Variants in C10orf105 observed in about 807,000 individuals in gnomAD.
The protein encoded by C10orf105 is uncharacterized protein C10orf105.
A neutral mutation model predicts 0.6 loss-of-function variants in C10orf105; 2 were observed. The observed-to-expected ratio is 3.18, with a 90% CI of 1.30 to 10.01. C10orf105 has a LOEUF of 10.01. Ranked by LOEUF, C10orf105 falls within the 30% of genes most tolerant of loss-of-function variation. The pLI is 0.04. For synonymous variants in C10orf105, 95 were observed against 82.4 expected, an observed-to-expected ratio of 1.15 and a Z score of -0.83; for missense variants, 209 against 191.4, an observed-to-expected ratio of 1.09 and a Z score of -0.54.
intron 1 of C10orf105, chr10:71,730,469 G>T: frequency 6.2e-7 from 1 of 1,613,614 alleles, no homozygotes; most frequent in Non-Finnish European, 8.5e-7. Flanking sequence ...GCTCCCACAG[G>T]TGATTGTGTA....
chr10:71,715,583 G>T lies in C10orf105; in HGVS notation c.*353C>A, dbSNP rs1044118555. 7 of 210,034 alleles carry T rather than the reference G, an allele frequency of 3.3e-5. No individual in the cohort carries two copies. Among genetic ancestry groups the T allele is most frequent in the Non-Finnish European group, 6.6e-5 (7 of 106,146 alleles). The allele number at this position is 210,034 out of a possible 1,614,324, so 13.0% of individuals were successfully genotyped here. ...CCATGCTGGGCTTTGGCACCTGGAGGGCAAGGCTTCTGTGGCGAGCGAGGG... is the reference window on the plus strand; with the variant it reads ...CCATGCTGGGCTTTGGCACCTGGAGTGCAAGGCTTCTGTGGCGAGCGAGGG... On this transcript the variant is annotated 3_prime_UTR_variant, in exon 2 of 2. Transcript: ENST00000441508.
Position 71,712,692 on chromosome 10 carries a change from C to A in C10orf105, c.*3244G>T. 1.2e-6 allele frequency: 2 copies of A among 1,613,670 alleles called. No homozygotes were observed. Among genetic ancestry groups the A allele is most frequent in the Non-Finnish European group, 1.7e-6 (2 of 1,179,882 alleles). ...AACGGCCCTGTAGGGAAGCGACACA[C>A]GGGCACAGCCACCGTGTTCGTCACT... On this transcript the variant is annotated 3_prime_UTR_variant, in exon 2 of 2. Coordinates refer to ENST00000441508, the MANE Select transcript of C10orf105 (RefSeq NM_001164375.3).
chr10:71,717,318 G>A (rs937597799), intron 1 of C10orf105: 1 of 152,304 alleles, frequency 6.6e-6, no homozygotes, highest in Non-Finnish European at 1.5e-5. Context: ...GTCAGAAGCA[G>A]GTCTCCTGAC....
At chr10:71,733,882 C>G (rs1839472510) in intron 1 of C10orf105, among the ~76,000 whole-genome samples, 1 of 152,198 alleles carries the variant, frequency 6.6e-6, no homozygotes, top group African/African-American at 2.4e-5. Flanking sequence ...CAAATGGACA[C>G]AAAGATGAAC....
At chr10:71,735,390 C>T (rs892834190) in intron 1 of C10orf105, among the ~76,000 whole-genome samples, 1 of 152,138 alleles carries the variant, frequency 6.6e-6, no homozygotes, top group Non-Finnish European at 1.5e-5. Context: ...GAAGAGGCGG[C>T]CCGGCCTGAA....
chr10:71,714,941 T>G lies in C10orf105; in HGVS notation c.*995A>C, dbSNP rs1792360288. On this transcript the variant is annotated 3_prime_UTR_variant, in exon 2 of 2. Transcript: ENST00000441508. ...TGAGGAGAGGTCAAGGGTTTGGGAT[T>G]CTGAGAAGCCCATCCTGGGGTGGGA... 6.6e-6 allele frequency: 1 copy of G among 152,240 alleles called. No homozygotes were observed. Among genetic ancestry groups the G allele is most frequent in the Admixed American group, 6.5e-5 (1 of 15,294 alleles). The allele number at this position is 152,240 out of a possible 1,614,324, so 9.4% of individuals were successfully genotyped here.
rs562859768 is a variant in C10orf105 at position 71,712,676 on chromosome 10, G to C, written c.*3260C>G. 10 of 1,613,528 alleles carry C rather than the reference G, an allele frequency of 6.2e-6. No individual in the cohort carries two copies. In the African/African-American group the frequency reaches 1.1e-4, roughly 17 times the overall value. ...TTCAACTCCCACAGACAACGGCCCT[G>C]TAGGGAAGCGACACACGGGCACAGC... is the stretch of plus-strand genomic sequence containing the variant. On this transcript the variant is annotated 3_prime_UTR_variant, in exon 2 of 2. Coordinates refer to ENST00000441508, the MANE Select transcript of C10orf105 (RefSeq NM_001164375.3).
At chr10:71,733,070 CA>C (rs113879178) in intron 1 of C10orf105, among the ~76,000 whole-genome samples, 7,498 of 152,266 alleles carry the variant, frequency 0.049, 624 homozygotes, top group African/African-American at 0.17. Context: ...TGCTTCTGAC[CA>C]ACTGGCTAAA....
chr10:71,735,490 C>T (rs1372035922), intron 1 of C10orf105, among the ~76,000 whole-genome samples: 1 of 152,120 alleles, frequency 6.6e-6, no homozygotes, highest in Non-Finnish European at 1.5e-5. Context: ...GGATGGCATC[C>T]TGTGGTGATC....
chr10:71,724,247 CAG>C (rs1323156790), upstream of C10orf105: 3 of 801,336 alleles, frequency 3.7e-6, no homozygotes, highest in African/African-American at 5.2e-5. Context: ...AGGGAGGAAA[CAG>C]GGACATTCTC....
intron 1 of C10orf105, chr10:71,732,805 G>C (rs891488897): frequency 4.0e-6 from 3 of 747,436 alleles, no homozygotes; most frequent in Non-Finnish European, 5.0e-6. Flanking sequence ...GTGTGTGTGG[G>C]GTTTTCCCCC....
At position 71,713,561 on chromosome 10, in the gene C10orf105, G is replaced by A; in HGVS notation, c.*2375C>T. 2 of 464,488 alleles carry A rather than the reference G, an allele frequency of 4.3e-6. No homozygotes were observed. The highest frequency in any genetic ancestry group is 7.8e-6 in the Non-Finnish European group (2 of 257,412). 28.8% of individuals were successfully genotyped at this position (464,488 alleles called of 1,614,324 possible). ...ACCAGGAGGCGGGCAGGAAAGGGCT[G>A]GGGAGCAGGGAGCTGACTCCCAGAA... On this transcript the variant is annotated 3_prime_UTR_variant, in exon 2 of 2. Coordinates refer to ENST00000441508, the MANE Select transcript of C10orf105 (RefSeq NM_001164375.3).
Position 71,716,161 on chromosome 10 carries a change from G to A in C10orf105, c.177C>T (p.Cys59=). Reference sequence around the variant, plus strand: ...GGCTCGGGTCCAGCGCGGCCGGCTTGCAGAGCGTCATGAACAGCAGACAGG... The same window carrying A: ...GGCTCGGGTCCAGCGCGGCCGGCTTACAGAGCGTCATGAACAGCAGACAGG... ...LATCLLFMTL[C]KPAALDPSRR... The change falls in exon 2 of 2, where the codon TGC becomes TGT. Residue 59 remains cysteine, a synonymous_variant. Coordinates refer to ENST00000441508, the MANE Select transcript of C10orf105 (RefSeq NM_001164375.3). The A allele has an allele frequency of 1.3e-6, 2 of 1,550,798 alleles. No homozygotes were observed. Among genetic ancestry groups the A allele is most frequent in the Non-Finnish European group, 1.7e-6 (2 of 1,146,798 alleles).
At chr10:71,735,542 T>G (rs974065522) in intron 1 of C10orf105, among the ~76,000 whole-genome samples, 2 of 152,106 alleles carry the variant, frequency 1.3e-5, no homozygotes, top group African/African-American at 4.8e-5. Context: ...CACTGGCCAG[T>G]CACATCAGCT....
chr10:71,717,083 C>T (rs1258610389), intron 1 of C10orf105: 1 of 152,290 alleles, frequency 6.6e-6, no homozygotes, highest in Non-Finnish European at 1.5e-5. Flanking sequence ...GTGACTGCTT[C>T]CCCATGCAGT....
In C10orf105 at chr10:71,714,482, C is replaced by A. The variant is rs1462207551; in HGVS notation, c.*1454G>T. 1 of 152,190 alleles carries A rather than the reference C, an allele frequency of 6.6e-6. No individual in the cohort carries two copies. The highest frequency in any genetic ancestry group is 2.4e-5 in the African/African-American group (1 of 41,426). The allele number at this position is 152,190 out of a possible 1,614,324, so 9.4% of individuals were successfully genotyped here. A position where few individuals can be genotyped will look rare whatever the true frequency, so the allele number is the denominator to read the frequency against. On this transcript the variant is annotated 3_prime_UTR_variant, in exon 2 of 2. Transcript: ENST00000441508. Reference sequence around the variant, plus strand: ...GCCAAGAGAATGTTCCTTTTCCTCCCCAAGAGAGGTAGGAGACAGTAGGGG... The same window carrying A: ...GCCAAGAGAATGTTCCTTTTCCTCCACAAGAGAGGTAGGAGACAGTAGGGG...
At chr10:71,728,945 C>T (rs1866935901) in intron 1 of C10orf105, among the ~76,000 whole-genome samples, 4 of 151,932 alleles carry the variant, frequency 2.6e-5, no homozygotes, top group Admixed American at 2.0e-4. Flanking sequence ...ATCCTCTTGC[C>T]TCCGCCTCCC....
upstream of C10orf105, among the ~76,000 whole-genome samples, chr10:71,720,796 G>A (rs1229686753): frequency 1.3e-5 from 2 of 152,316 alleles, no homozygotes; most frequent in African/African-American, 4.8e-5. Context: ...AAGAGCCCCC[G>A]TCTTCTCTCA....
chr10:71,730,624 G>A, intron 1 of C10orf105: 1 of 1,613,136 alleles, frequency 6.2e-7, no homozygotes, highest in Non-Finnish European at 8.5e-7. Flanking sequence ...GCAGGAGGAA[G>A]CCGGGGATCC....
Sources: allele counts gnomAD v4.1 joint callset (sites outside exome capture counted in the v4.1 genomes callset), GRCh38; gene constraint gnomAD v4.1.1; transcripts MANE v1.5; gene names NCBI Gene and HGNC (gene_info 2026-07-23, HGNC 2026-07-21).